GRIK2: variants seen among roughly 807,000 people sequenced by gnomAD.
GRIK2 encodes glutamate ionotropic receptor kainate type subunit 2.
Under a neutral mutation model 100.3 loss-of-function variants are expected in GRIK2, and 32 were observed. That is an observed-to-expected ratio of 0.32 (90% CI 0.24 to 0.43). The LOEUF (loss-of-function observed/expected upper bound fraction) is 0.43. Ranked by LOEUF, GRIK2 falls within the 20% of genes least tolerant of loss-of-function variation. The pLI is 1.00. For missense variants in GRIK2, 843 were observed against 1,114.9 expected (o/e 0.76, Z 3.47); for synonymous variants, 417 against 389.4 (o/e 1.07, Z -0.83).
chr6:102,008,573 A>C (rs1795362405), intron 14 of GRIK2, among the ~76,000 whole-genome samples: 1 of 152,138 alleles, frequency 6.6e-6, no homozygotes, highest in African/African-American at 2.4e-5. Context: ...GAATTTAAAG[A>C]ATTGAATTCT....
Position 101,841,369 on chromosome 6 carries a change from A to T in GRIK2, c.1318-17918A>T, listed in dbSNP as rs1209741855. ...CGTGCATTGTGAATATCTCAGAATG[A>T]TTTTTTTTTTTTGGTACGGTTTCTC... On this transcript the variant is annotated intron_variant, in intron 10 of 16. Transcript: ENST00000369134. Among the ~76,000 whole-genome samples, 5 of 147,092 alleles carry T rather than the reference A, an allele frequency of 3.4e-5. No individual in the cohort carries two copies. In the East Asian group the frequency reaches 6.0e-4, roughly 18 times the overall value.
intron 14 of GRIK2, among the ~76,000 whole-genome samples, chr6:101,969,904 A>G (rs190389717): frequency 2.4e-4 from 36 of 152,112 alleles, no homozygotes; most frequent in African/African-American, 8.7e-4. Context: ...TCTTGTTTTT[A>G]CTATCTTCAA....
At chr6:101,967,407 C>A (rs1001291690) in intron 14 of GRIK2, among the ~76,000 whole-genome samples, 2 of 151,842 alleles carry the variant, frequency 1.3e-5, no homozygotes, top group African/African-American at 4.8e-5. Flanking sequence ...TTAAAATATT[C>A]TATGTATTTG....
Position 101,723,620 on chromosome 6 carries a change from C to T in GRIK2, c.951+37267C>T, listed in dbSNP as rs561041780. Among the ~76,000 whole-genome samples the T allele has an allele frequency of 2.6e-5, 4 of 152,104 alleles. No individual in the cohort carries two copies. In the East Asian group the frequency reaches 7.8e-4, roughly 30 times the overall value. On this transcript the variant is annotated intron_variant, in intron 7 of 16. Transcript: ENST00000369134. ...TAGGATTGGAAGGAACCTTATTGAT[C>T]AGTTAGTTAATCCCTTCTTTTCACA...
intron 12 of GRIK2, among the ~76,000 whole-genome samples, chr6:101,915,275 A>G (rs544763000): frequency 1.3e-5 from 2 of 151,526 alleles, no homozygotes; most frequent in African/African-American, 4.8e-5. Context: ...CAGAATAACA[A>G]CCATTCTTAT....
At chr6:101,440,191 T>A (rs1029362566) in intron 2 of GRIK2, among the ~76,000 whole-genome samples, 1 of 151,968 alleles carries the variant, frequency 6.6e-6, no homozygotes, top group Admixed American at 6.6e-5. Flanking sequence ...AAGAATCTAC[T>A]AAAACAATAA....
Position 102,042,913 on chromosome 6 carries a change from C to A in GRIK2, c.2311+7347C>A, listed in dbSNP as rs201594056. 2.6e-5 allele frequency among the ~76,000 whole-genome samples: 4 copies of A among 151,598 alleles called. No homozygotes were observed. The East Asian group carries it at 7.8e-4, about 29-fold the overall frequency. The stretch of plus-strand genomic sequence containing the variant: ...TAATATATATGAAATATGTCAGAAC[C>A]AGTAAAAATAGTTGGCTGTTTCATT... On this transcript the variant is annotated intron_variant, in intron 15 of 16. Transcript: ENST00000369134.
At chr6:101,453,351 C>T (rs972430669) in intron 2 of GRIK2, among the ~76,000 whole-genome samples, 4 of 151,936 alleles carry the variant, frequency 2.6e-5, no homozygotes, top group Non-Finnish European at 5.9e-5. Context: ...ATATTATCTG[C>T]TTTCTTAAAT....
chr6:101,572,793 G>A (rs1428933396), intron 2 of GRIK2, among the ~76,000 whole-genome samples: 1 of 128,952 alleles, frequency 7.8e-6, no homozygotes, highest in East Asian at 2.2e-4. Flanking sequence ...AAGGTGTTTT[G>A]TTGTTGTTGT....
At chr6:101,638,160 T>G (rs1781111858) in intron 4 of GRIK2, among the ~76,000 whole-genome samples, 3 of 151,152 alleles carry the variant, frequency 2.0e-5, no homozygotes, top group African/African-American at 7.3e-5. Context: ...ATTTACCTAT[T>G]TATTCATTTA....
chr6:101,453,935 C>A (rs965889702), intron 2 of GRIK2, among the ~76,000 whole-genome samples: 1 of 151,946 alleles, frequency 6.6e-6, no homozygotes, highest in Admixed American at 6.6e-5. Flanking sequence ...TGAGGATTCC[C>A]AATTGTTTGA....
intron 2 of GRIK2, among the ~76,000 whole-genome samples, chr6:101,482,437 C>T (rs575410779): frequency 1.3e-5 from 2 of 152,012 alleles, no homozygotes; most frequent in African/African-American, 4.8e-5. Flanking sequence ...TTGGCTTTCC[C>T]AGAGAAGGTT....
intron 14 of GRIK2, among the ~76,000 whole-genome samples, chr6:101,956,744 T>C (rs1027342785): frequency 3.3e-5 from 5 of 150,152 alleles, no homozygotes; most frequent in East Asian, 1.9e-4. Context: ...TAGTATTACA[T>C]GGGGTGTATG....
intron 10 of GRIK2, among the ~76,000 whole-genome samples, chr6:101,833,023 T>G (rs934936666): frequency 6.6e-6 from 1 of 152,176 alleles, no homozygotes; most frequent in Non-Finnish European, 1.5e-5. Flanking sequence ...ACAAATAGAC[T>G]TTATTGGGAT....
chr6:101,830,048 A>C (rs1299875442), intron 10 of GRIK2, among the ~76,000 whole-genome samples: 1 of 152,136 alleles, frequency 6.6e-6, no homozygotes, highest in Non-Finnish European at 1.5e-5. Flanking sequence ...TACAGTAACC[A>C]AAACAGCATG....
intron 1 of GRIK2, among the ~76,000 whole-genome samples, chr6:101,397,815 A>G (rs939537663): frequency 1.3e-5 from 2 of 152,178 alleles, no homozygotes; most frequent in East Asian, 1.9e-4. Context: ...TAGATTAATG[A>G]TAAGATATAG....
chr6:101,661,913 C>T (rs1355648531), intron 4 of GRIK2, among the ~76,000 whole-genome samples: 1 of 152,110 alleles, frequency 6.6e-6, no homozygotes, highest in Non-Finnish European at 1.5e-5. Flanking sequence ...TCCTATTCGG[C>T]CATCTTCCCA....
chr6:101,538,754 T>A (rs775499301), intron 2 of GRIK2, among the ~76,000 whole-genome samples: 2 of 151,746 alleles, frequency 1.3e-5, no homozygotes, highest in Non-Finnish European at 3.0e-5. Flanking sequence ...TTTGTGAATA[T>A]GTGACTGTGT....
chr6:101,426,737 T>C (rs1382557976), intron 2 of GRIK2, among the ~76,000 whole-genome samples: 1 of 152,178 alleles, frequency 6.6e-6, no homozygotes, highest in Non-Finnish European at 1.5e-5. Flanking sequence ...AGATTGATTT[T>C]CCTAAAATAT....
Sources: allele counts gnomAD v4.1 joint callset (sites outside exome capture counted in the v4.1 genomes callset), GRCh38; gene constraint gnomAD v4.1.1; transcripts MANE v1.5; gene names NCBI Gene and HGNC (gene_info 2026-07-23, HGNC 2026-07-21).